The following MAD1L1 variants were observed in gnomAD, a reference collection of about 807,000 sequenced individuals.
MAD1L1 encodes mitotic spindle assembly checkpoint protein MAD1.
Under a neutral mutation model 96.9 loss-of-function variants are expected in MAD1L1, and 95 were observed. The observed-to-expected ratio is 0.98, with a 90% CI of 0.83 to 1.16. The LOEUF (loss-of-function observed/expected upper bound fraction) is 1.16. Ranked by LOEUF, MAD1L1 falls within the 50% of genes most tolerant of loss-of-function variation. The pLI is 0.00. For synonymous variants in MAD1L1, 473 were observed against 396.6 expected, an observed-to-expected ratio of 1.19 and a Z score of -2.29; for missense variants, 1,007 against 954.4, an observed-to-expected ratio of 1.06 and a Z score of -0.73.
At chr7:2,068,080 C>T (rs530362138) in intron 12 of MAD1L1, among the ~76,000 whole-genome samples, 30 of 152,378 alleles carry the variant, frequency 2.0e-4, no homozygotes, top group Middle Eastern at 3.4e-3. Context: ...GGCTGGGTGT[C>T]CCCTCTGCCA....
intron 15 of MAD1L1, among the ~76,000 whole-genome samples, chr7:1,961,101 G>C (rs1296503434): frequency 6.6e-6 from 1 of 152,172 alleles, no homozygotes; most frequent in Non-Finnish European, 1.5e-5. Flanking sequence ...GAGAGCTCCA[G>C]GGCAACCTCC....
At chr7:2,183,510 C>A (rs900880821) in intron 10 of MAD1L1, among the ~76,000 whole-genome samples, 5 of 152,172 alleles carry the variant, frequency 3.3e-5, no homozygotes, top group African/African-American at 1.2e-4. Flanking sequence ...CCCAAATGTC[C>A]AACAATGATA....
At chr7:1,920,985 C>T (rs1276634079) in intron 17 of MAD1L1, among the ~76,000 whole-genome samples, 4 of 151,482 alleles carry the variant, frequency 2.6e-5, no homozygotes, top group Non-Finnish European at 5.9e-5. Flanking sequence ...GCCCTGGAGA[C>T]GACGAGACAG....
intron 18 of MAD1L1, among the ~76,000 whole-genome samples, chr7:1,819,281 G>A (rs923105902): frequency 7.9e-5 from 12 of 152,190 alleles, no homozygotes; most frequent in African/African-American, 2.2e-4. Flanking sequence ...CTGCCTGCGC[G>A]CAGGCTCTGG....
Position 2,059,694 on chromosome 7 carries a change from G to A in MAD1L1, c.1218+9500C>T, listed in dbSNP as rs1035714489. 3.2e-4 allele frequency among the ~76,000 whole-genome samples: 48 copies of A among 151,022 alleles called. 1 individual carries two copies. The highest frequency in any genetic ancestry group is 9.3e-4 in the African/African-American group (38 of 41,022). On this transcript the variant is annotated intron_variant, in intron 12 of 18. Transcript: ENST00000265854. ...AGAGGTGTGGGGCTGGCAGGGAAGC[G>A]TAGCCAGGGGAGAAGAGAGGCATGG...
chr7:2,009,866 G>T (rs907628886), intron 13 of MAD1L1, among the ~76,000 whole-genome samples: 8 of 152,074 alleles, frequency 5.3e-5, no homozygotes, highest in African/African-American at 1.7e-4. Context: ...GTGTGCTGCC[G>T]GGGGTGGCAC....
chr7:1,817,008 C>T (rs941302630), intron 18 of MAD1L1: 8 of 152,364 alleles, frequency 5.3e-5, no homozygotes, highest in Admixed American at 6.5e-5. Context: ...CCAGAACTCC[C>T]ACAACTCCAC....
intron 16 of MAD1L1, among the ~76,000 whole-genome samples, chr7:1,938,989 G>GCA (rs771225963): frequency 8.8e-6 from 1 of 113,178 alleles, no homozygotes; most frequent in African/African-American, 3.6e-5. Flanking sequence ...GACCAGAGGC[G>GCA]CACACACACG....
rs186435171 is a variant in MAD1L1, at chr7:2,209,404, G to A, written c.986+3808C>T. ...CACACAAAGGACGTCTGACCTCAAC[G>A]CCAGGAGCTCACAGCCCAGAGCCCA... On this transcript the variant is annotated intron_variant, in intron 10 of 18. Coordinates refer to ENST00000265854, the MANE Select transcript of MAD1L1 (RefSeq NM_001013836.2). 1.9e-3 allele frequency among the ~76,000 whole-genome samples: 292 copies of A among 152,288 alleles called. 1 individual carries two copies. The highest frequency in any genetic ancestry group is 6.9e-3 in the African/African-American group (285 of 41,560).
At chr7:1,925,594 CACGTGACCTCA>C (rs1366035140) in intron 17 of MAD1L1, among the ~76,000 whole-genome samples, 1 of 152,228 alleles carries the variant, frequency 6.6e-6, no homozygotes, top group African/African-American at 2.4e-5. Context: ...AGGTGGAGCC[CACGTGACCTCA>C]ACGCCTCCCA....
intron 17 of MAD1L1, among the ~76,000 whole-genome samples, chr7:1,901,003 T>A (rs1583707662): frequency 6.6e-6 from 1 of 152,094 alleles, no homozygotes; most frequent in African/African-American, 2.4e-5. Context: ...CTGGGGCCAC[T>A]CTCTCACCCT....
intron 12 of MAD1L1, among the ~76,000 whole-genome samples, chr7:2,061,121 G>A (rs1321533939): frequency 5.9e-5 from 9 of 152,160 alleles, no homozygotes; most frequent in South Asian, 2.1e-4. Flanking sequence ...GGCAGATCAC[G>A]AGGTCAGGAG....
chr7:2,150,963 A>G (rs1208640735), intron 10 of MAD1L1, among the ~76,000 whole-genome samples: 1 of 152,244 alleles, frequency 6.6e-6, no homozygotes, highest in Non-Finnish European at 1.5e-5. Flanking sequence ...GGGGTTAGAA[A>G]GCAGCTCCGT....
intron 11 of MAD1L1, among the ~76,000 whole-genome samples, chr7:2,124,381 A>G (rs190492865): frequency 5.6e-4 from 86 of 152,344 alleles, no homozygotes; most frequent in African/African-American, 2.0e-3. Context: ...GAAGAGCCCA[A>G]CGTGCCGAAA....
intron 10 of MAD1L1, among the ~76,000 whole-genome samples, chr7:2,174,696 T>C (rs1790866328): frequency 1.3e-5 from 2 of 152,348 alleles, no homozygotes; most frequent in African/African-American, 4.8e-5. Context: ...AGAACTCTTC[T>C]TGTTCACTGA....
intron 12 of MAD1L1, among the ~76,000 whole-genome samples, chr7:2,038,424 G>A (rs1389751841): frequency 7.3e-6 from 1 of 137,468 alleles, no homozygotes; most frequent in South Asian, 2.2e-4. Flanking sequence ...TACAGTTACA[G>A]AGGAGAAGTC....
intron 18 of MAD1L1, among the ~76,000 whole-genome samples, chr7:1,827,978 C>G (rs1697651861): frequency 1.3e-5 from 2 of 152,126 alleles, no homozygotes; most frequent in Non-Finnish European, 2.9e-5. Flanking sequence ...CAATGTGATG[C>G]TGGGGATGCG....
At chr7:1,954,556 T>G (rs1779641595) in intron 16 of MAD1L1, among the ~76,000 whole-genome samples, 1 of 152,144 alleles carries the variant, frequency 6.6e-6, no homozygotes, top group South Asian at 2.1e-4. Context: ...TCAGGGACTG[T>G]GCCGCCCACC....
At chr7:1,837,374 G>C (rs1782986845) in intron 18 of MAD1L1, among the ~76,000 whole-genome samples, 1 of 152,328 alleles carries the variant, frequency 6.6e-6, no homozygotes, top group Middle Eastern at 3.4e-3. Flanking sequence ...AAATGGTGCA[G>C]GCACTTTGGA....
Sources: gnomAD v4.1 joint callset for allele counts (sites outside exome capture counted in the v4.1 genomes callset) on GRCh38, gnomAD v4.1.1 for gene constraint, MANE v1.5 for transcripts, NCBI Gene and HGNC (gene_info 2026-07-23, HGNC 2026-07-21) for gene names.